Variants in SV2C observed in about 807,000 individuals in gnomAD.
SV2C encodes solute carrier family 22 member B3.
In SV2C, 49 loss-of-function variants were observed where a neutral mutation model predicts 79.7. That is an observed-to-expected ratio of 0.61 (90% CI 0.49 to 0.78). The LOEUF is 0.78. Ranked by LOEUF, SV2C falls within the 30% of genes least tolerant of loss-of-function variation. The probability of loss-of-function intolerance (pLI) is 0.00; values close to 1 mark genes in which losing one functional copy is unlikely to be tolerated. For synonymous variants in SV2C, 334 were observed against 333.2 expected (o/e 1.00, Z -0.03); for missense variants, 833 against 912.9 (o/e 0.91, Z 1.13).
chr5:75,977,140 G>A, the SV2C span, among the ~76,000 whole-genome samples: 1 of 152,112 alleles, frequency 6.6e-6, no homozygotes. Context: ...AAAATTATGA[G>A]GGGCCATTTT....
Position 76,234,970 on chromosome 5 carries a change from C to T in SV2C, c.913+25083C>T, listed in dbSNP as rs548673615. ...CTGCGTTTGCTAAGACAGGGACATT[C>T]GATCAGTTTAGATGGAAGAACTAAC... On this transcript the variant is annotated intron_variant, in intron 4 of 12. Transcript: ENST00000502798. Among the ~76,000 whole-genome samples the T allele has an allele frequency of 2.6e-5, 4 of 152,238 alleles. No homozygotes were observed. In the South Asian group the frequency reaches 8.3e-4, roughly 32 times the overall value.
At chr5:75,951,195 A>C in the SV2C span, among the ~76,000 whole-genome samples, 1 of 152,058 alleles carries the variant, frequency 6.6e-6, no homozygotes, top group African/African-American at 2.4e-5. Flanking sequence ...AGCAAAAAAA[A>C]GAATTTGCTT....
the SV2C span, among the ~76,000 whole-genome samples, chr5:75,937,365 C>T: frequency 6.6e-6 from 1 of 152,006 alleles, no homozygotes; most frequent in African/African-American, 2.4e-5. Context: ...TCTTTTACAT[C>T]TTCATCTTTT....
chr5:76,140,505 T>G (rs934951378), intron 2 of SV2C, among the ~76,000 whole-genome samples: 1 of 152,156 alleles, frequency 6.6e-6, no homozygotes, highest in African/African-American at 2.4e-5. Context: ...TTCAAGTTTC[T>G]AAGATTCCCC....
At chr5:75,946,771 G>A in the SV2C span, among the ~76,000 whole-genome samples, 1 of 152,040 alleles carries the variant, frequency 6.6e-6, no homozygotes, top group Non-Finnish European at 1.5e-5. Context: ...GGTAGGGTTT[G>A]ACTACAAAGG....
the SV2C span, among the ~76,000 whole-genome samples, chr5:76,004,749 C>T: frequency 2.8e-4 from 43 of 152,086 alleles, no homozygotes; most frequent in African/African-American, 8.4e-4. Flanking sequence ...GATGACCCCG[C>T]GAATAAACAG....
At chr5:75,968,258 A>T in the SV2C span, among the ~76,000 whole-genome samples, 1 of 152,306 alleles carries the variant, frequency 6.6e-6, no homozygotes, top group South Asian at 2.1e-4. Context: ...AAACTCTAAA[A>T]ATCAGAGCGC....
the SV2C span, among the ~76,000 whole-genome samples, chr5:75,898,195 G>A: frequency 2.0e-5 from 3 of 152,156 alleles, no homozygotes; most frequent in African/African-American, 7.2e-5. Flanking sequence ...GTAAGATATT[G>A]GCTGTGGGTT....
At chr5:76,352,074 A>G (rs1749652808) in intron 12 of SV2C, among the ~76,000 whole-genome samples, 1 of 152,118 alleles carries the variant, frequency 6.6e-6, no homozygotes, top group Non-Finnish European at 1.5e-5. Flanking sequence ...TTAGCTGGGC[A>G]TGGTGGTGGG....
intron 7 of SV2C, 86 bp from the exon 8 acceptor site, chr5:76,291,682 C>T: frequency 1.1e-6 from 1 of 893,248 alleles, no homozygotes; most frequent in Non-Finnish European, 1.7e-6. Flanking sequence ...GACAACTCAG[C>T]ATTTTTTATA....
the SV2C span, among the ~76,000 whole-genome samples, chr5:75,904,242 G>A: frequency 4.6e-5 from 7 of 152,044 alleles, no homozygotes; most frequent in Non-Finnish European, 8.8e-5. Context: ...ATTTTGGCGA[G>A]GGTATTTTGT....
At chr5:76,155,967 AAAGT>A (rs1430688003) in intron 2 of SV2C, among the ~76,000 whole-genome samples, 7 of 147,430 alleles carry the variant, frequency 4.7e-5, no homozygotes, top group Non-Finnish European at 1.1e-4. Flanking sequence ...AAAAAAAAAA[AAAGT>A]AGAGGTTGTA....
At chr5:75,933,656 A>G in the SV2C span, among the ~76,000 whole-genome samples, 1 of 152,248 alleles carries the variant, frequency 6.6e-6, no homozygotes, top group African/African-American at 2.4e-5. Flanking sequence ...GACACAGGCA[A>G]GTAAGTACCT....
the SV2C span, among the ~76,000 whole-genome samples, chr5:76,032,431 T>G: frequency 7.4e-4 from 113 of 152,196 alleles, no homozygotes; most frequent in Middle Eastern, 6.8e-3. Flanking sequence ...CAGAGTGTGA[T>G]GTTCCCCTTC....
the SV2C span, among the ~76,000 whole-genome samples, chr5:75,913,953 G>T: frequency 6.6e-6 from 1 of 150,614 alleles, no homozygotes; most frequent in Non-Finnish European, 1.5e-5. Flanking sequence ...GGCCATAAAT[G>T]AGAATAGTTA....
chr5:76,235,485 T>C (rs1050516834), intron 4 of SV2C, among the ~76,000 whole-genome samples: 3 of 152,118 alleles, frequency 2.0e-5, no homozygotes, highest in Non-Finnish European at 4.4e-5. Context: ...TATAGAGAGA[T>C]TGAAATTACA....
intron 2 of SV2C, among the ~76,000 whole-genome samples, chr5:76,161,141 T>C (rs75965348): frequency 0.024 from 3,705 of 152,132 alleles, 56 homozygotes; most frequent in Non-Finnish European, 0.037. Flanking sequence ...AATTAATGAA[T>C]AGACAAATTT....
chr5:76,039,870 T>C, the SV2C span, among the ~76,000 whole-genome samples: 1 of 152,008 alleles, frequency 6.6e-6, no homozygotes, highest in Admixed American at 6.6e-5. Context: ...GCCCTTTCCA[T>C]ATGGATAGAT....
At chr5:75,975,679 G>C in the SV2C span, among the ~76,000 whole-genome samples, 5 of 152,162 alleles carry the variant, frequency 3.3e-5, no homozygotes, top group African/African-American at 1.2e-4. Flanking sequence ...GTAAAAGCCT[G>C]TTTTAATGAT....
Sources: allele counts gnomAD v4.1 joint callset (sites outside exome capture counted in the v4.1 genomes callset), GRCh38; gene constraint gnomAD v4.1.1; transcripts MANE v1.5; gene names NCBI Gene and HGNC (gene_info 2026-07-23, HGNC 2026-07-21).